Variants in BLTP3B observed in about 807,000 individuals in gnomAD.
The protein encoded by BLTP3B is bridge-like lipid transfer protein family member 3B.
At chr12:100,050,522 T>C in the BLTP3B span, among the ~76,000 whole-genome samples, 59 of 152,198 alleles carry the variant, frequency 3.9e-4, no homozygotes, top group East Asian at 1.7e-3. Context: ...GTCACAAGGA[T>C]TGTAAAATGT....
chr12:100,126,748 G>A, the BLTP3B span, among the ~76,000 whole-genome samples: 1 of 152,312 alleles, frequency 6.6e-6, no homozygotes, highest in East Asian at 1.9e-4. Context: ...ACCCAAAGGA[G>A]ATGAAAATAC....
the BLTP3B span, among the ~76,000 whole-genome samples, chr12:100,101,461 C>A: frequency 1.1e-4 from 17 of 152,168 alleles, no homozygotes; most frequent in Non-Finnish European, 1.5e-4. Context: ...GAATACTATA[C>A]ATGTTCAGAG....
chr12:100,059,000 C>A, the BLTP3B span: 1 of 1,614,102 alleles, frequency 6.2e-7, no homozygotes, highest in Middle Eastern at 1.6e-4. Context: ...ATCGGCCAGC[C>A]AGATCACTAG....
At chr12:100,086,903 G>A in the BLTP3B span, among the ~76,000 whole-genome samples, 1 of 152,172 alleles carries the variant, frequency 6.6e-6, no homozygotes, top group African/African-American at 2.4e-5. Context: ...GCTCACGCCT[G>A]TCATCCCAGC....
the BLTP3B span, chr12:100,059,200 C>T: frequency 6.2e-7 from 1 of 1,614,106 alleles, no homozygotes; most frequent in Non-Finnish European, 8.5e-7. Flanking sequence ...ACAGCCCAAA[C>T]ATCCGTGGCA....
chr12:100,122,483 T>C, the BLTP3B span, among the ~76,000 whole-genome samples: 27,036 of 152,122 alleles, frequency 0.18, 4,022 homozygotes, highest in African/African-American at 0.41. Flanking sequence ...AGTTCAACCA[T>C]ATTTACTGAG....
the BLTP3B span, among the ~76,000 whole-genome samples, chr12:100,117,570 C>G: frequency 6.6e-6 from 1 of 152,014 alleles, no homozygotes; most frequent in South Asian, 2.1e-4. Flanking sequence ...TCAAGTGATC[C>G]TCCCCTGCCT....
At chr12:100,073,500 G>A in the BLTP3B span, among the ~76,000 whole-genome samples, 5 of 151,308 alleles carry the variant, frequency 3.3e-5, no homozygotes, top group South Asian at 2.1e-4. Context: ...GCACCTAGCC[G>A]ATATTATTAG....
At chr12:100,040,730 TGAAAC>T in the BLTP3B span, among the ~76,000 whole-genome samples, 4,355 of 151,998 alleles carry the variant, frequency 0.029, 195 homozygotes, top group African/African-American at 0.097. Context: ...GTAACTTAGA[TGAAAC>T]AGACAAATTC....
At chr12:100,135,429 C>T in the BLTP3B span, among the ~76,000 whole-genome samples, 4 of 151,940 alleles carry the variant, frequency 2.6e-5, no homozygotes, top group South Asian at 2.1e-4. Flanking sequence ...CCACCACGCT[C>T]GGCCAATTTT....
At chr12:100,140,725 AAAAAATATATATAT>A in the BLTP3B span, among the ~76,000 whole-genome samples, 1 of 95,480 alleles carries the variant, frequency 1.0e-5, no homozygotes, top group African/African-American at 5.7e-5. Flanking sequence ...AAAAAAAAAA[AAAAAATATATATAT>A]ATATATATAT....
chr12:100,099,991 T>TAA, the BLTP3B span, among the ~76,000 whole-genome samples: 502 of 142,302 alleles, frequency 3.5e-3, 4 homozygotes, highest in Middle Eastern at 0.026. Flanking sequence ...TATAAATTAT[T>TAA]AAAAAAAAAA....
chr12:100,070,351 A>G, the BLTP3B span, among the ~76,000 whole-genome samples: 6 of 151,126 alleles, frequency 4.0e-5, no homozygotes, highest in Non-Finnish European at 8.8e-5. Flanking sequence ...CAATGGCATG[A>G]TCCCAGCTCA....
chr12:100,054,784 G>A, the BLTP3B span, among the ~76,000 whole-genome samples: 14 of 152,180 alleles, frequency 9.2e-5, 1 homozygote, highest in East Asian at 5.8e-4. Context: ...ATAGCTTAAC[G>A]GCTTGTTAAA....
chr12:100,125,147 C>A, the BLTP3B span, among the ~76,000 whole-genome samples: 6 of 149,300 alleles, frequency 4.0e-5, no homozygotes, highest in South Asian at 1.3e-3. Context: ...GCCCGGCCAA[C>A]ATGGTGAAAC....
the BLTP3B span, among the ~76,000 whole-genome samples, chr12:100,124,974 A>ATT: frequency 1.9e-3 from 194 of 100,328 alleles, no homozygotes; most frequent in African/African-American, 8.2e-3. Flanking sequence ...ATATATATAT[A>ATT]TATATTTATA....
chr12:100,045,989 T>A, the BLTP3B span, among the ~76,000 whole-genome samples: 1 of 152,176 alleles, frequency 6.6e-6, no homozygotes, highest in East Asian at 1.9e-4. Flanking sequence ...ACATCATCAC[T>A]GGTCATCACA....
the BLTP3B span, among the ~76,000 whole-genome samples, chr12:100,142,374 G>C: frequency 6.6e-6 from 1 of 152,142 alleles, no homozygotes; most frequent in Non-Finnish European, 1.5e-5. Flanking sequence ...CGCCCACCCT[G>C]GGAGAAGACG....
At chr12:100,066,415 C>T in the BLTP3B span, among the ~76,000 whole-genome samples, 1 of 151,980 alleles carries the variant, frequency 6.6e-6, no homozygotes, top group African/African-American at 2.4e-5. Flanking sequence ...GATAGCAACA[C>T]AATAATAGTG....
Sources: gnomAD v4.1 joint callset for allele counts (sites outside exome capture counted in the v4.1 genomes callset) on GRCh38, gnomAD v4.1.1 for gene constraint, MANE v1.5 for transcripts, NCBI Gene and HGNC (gene_info 2026-07-23, HGNC 2026-07-21) for gene names.